PLEKHA8: variants seen among roughly 807,000 people sequenced by gnomAD.
PLEKHA8 encodes pleckstrin homology domain containing A8, also known as pleckstrin homology domain-containing family A member 8.
In PLEKHA8, 36 loss-of-function variants were observed where a neutral mutation model predicts 68.2. The ratio of observed to expected loss-of-function variants is 0.53; its 90% CI spans 0.40 to 0.70. The LOEUF (loss-of-function observed/expected upper bound fraction) is 0.70, where lower values mean the gene tolerates loss of function less well. Ranked by LOEUF, PLEKHA8 falls within the 30% of genes least tolerant of loss-of-function variation. PLEKHA8 has a pLI of 0.00. For synonymous variants in PLEKHA8, 211 were observed against 216.1 expected, an observed-to-expected ratio of 0.98 and a Z score of 0.20; for missense variants, 505 against 615.4, an observed-to-expected ratio of 0.82 and a Z score of 1.90.
At chr7:30,129,597 A>C (rs1454343053), downstream of PLEKHA8, 2 of 412,324 alleles carry the variant, frequency 4.9e-6, no homozygotes, top group Non-Finnish European at 8.9e-6. Flanking sequence ...TGCATTATAG[A>C]CCAAAGGTCA....
intron 13 of PLEKHA8, among the ~76,000 whole-genome samples, chr7:30,110,924 TC>T (rs1235516118): frequency 6.6e-6 from 1 of 151,548 alleles, no homozygotes; most frequent in Non-Finnish European, 1.5e-5. Context: ...TTTTTTTTTT[TC>T]ACGGAGTCTC....
At chr7:30,122,332 CT>C (rs946757428) in intron 13 of PLEKHA8, among the ~76,000 whole-genome samples, 8 of 152,142 alleles carry the variant, frequency 5.3e-5, no homozygotes, top group Admixed American at 5.2e-4. Flanking sequence ...TTCCACTGGG[CT>C]TTTTTCCCCC....
Position 30,080,712 on chromosome 7 carries a change from A to G in PLEKHA8, c.*1925A>G. 1 of 985,316 alleles carries G rather than the reference A, an allele frequency of 1.0e-6. No individual in the cohort carries two copies. The highest frequency in any genetic ancestry group is 4.7e-5 in the South Asian group (1 of 21,278). 61.0% of individuals were successfully genotyped at this position (985,316 alleles called of 1,614,324 possible). A position where few individuals can be genotyped will look rare whatever the true frequency, so the allele number is the denominator to read the frequency against. ...ATGTTGATTATTTTGTATTTTGCCA[A>G]GGTGTGTGTGTGTTATTTCCCTCCC... is the stretch of plus-strand genomic sequence containing the variant. On this transcript the variant is annotated 3_prime_UTR_variant, in exon 14 of 14. Coordinates refer to ENST00000449726, the MANE Select transcript of PLEKHA8 (RefSeq NM_001197026.2).
chr7:30,055,423 A>G lies in PLEKHA8; in HGVS notation c.1039+81A>G, dbSNP rs1477994063. The G allele has an allele frequency of 2.0e-5, 24 of 1,219,130 alleles. No individual in the cohort carries two copies. In the Admixed American group the frequency reaches 2.0e-4, roughly 10 times the overall value. 75.5% of individuals were successfully genotyped at this position (1,219,130 alleles called of 1,614,324 possible). On this transcript the variant is annotated intron_variant, in intron 9 of 13. Coordinates refer to ENST00000449726, the MANE Select transcript of PLEKHA8 (RefSeq NM_001197026.2). ...AGTTATTTTGCAGGAGAAATACCCC[A>G]AACTATGTGTACAGTGAGATGACCC...
chr7:30,070,689 G>A lies in PLEKHA8; in HGVS notation c.1301-3382G>A, dbSNP rs375173824. The stretch of plus-strand genomic sequence containing the variant: ...GTCTCCCGAGTAGCTGGGATTACGG[G>A]CACCCACCACCACACCTGGCTAATT... On this transcript the variant is annotated intron_variant, in intron 12 of 13. Coordinates refer to ENST00000449726, the MANE Select transcript of PLEKHA8 (RefSeq NM_001197026.2). 2.0e-4 allele frequency among the ~76,000 whole-genome samples: 30 copies of A among 152,086 alleles called. No homozygotes were observed. The South Asian group carries it at 6.2e-3, about 32-fold the overall frequency.
At chr7:30,101,381 G>T (rs1004661371) in intron 13 of PLEKHA8, among the ~76,000 whole-genome samples, 2 of 152,116 alleles carry the variant, frequency 1.3e-5, no homozygotes, top group Admixed American at 6.5e-5. Flanking sequence ...CACAGTTGTG[G>T]TGGCTGGGAA....
chr7:30,085,638 CAG>C (rs1795153340), downstream of PLEKHA8, among the ~76,000 whole-genome samples: 5 of 152,294 alleles, frequency 3.3e-5, no homozygotes, highest in South Asian at 1.0e-3. Flanking sequence ...ACCCACGTCT[CAG>C]GGAATCTTCC....
At chr7:30,031,483 G>C (rs1240596183) in intron 1 of PLEKHA8, among the ~76,000 whole-genome samples, 1 of 152,188 alleles carries the variant, frequency 6.6e-6, no homozygotes, top group Non-Finnish European at 1.5e-5. Context: ...ATGGAGACGT[G>C]CGAGTTTGAG....
intron 13 of PLEKHA8, among the ~76,000 whole-genome samples, chr7:30,108,439 C>T (rs376112599): frequency 4.6e-5 from 7 of 152,012 alleles, no homozygotes; most frequent in African/African-American, 7.2e-5. Context: ...ATCTGTTCTT[C>T]GAAGTCTGGG....
chr7:30,028,694 G>T lies in PLEKHA8; in HGVS notation c.-69G>T. 8.6e-7 allele frequency: 1 copy of T among 1,161,516 alleles called. No individual in the cohort carries two copies. The highest frequency in any genetic ancestry group is 1.1e-6 in the Non-Finnish European group (1 of 914,336). The allele number at this position is 1,161,516 out of a possible 1,614,324, so 72.0% of individuals were successfully genotyped here. A position where few individuals can be genotyped will look rare whatever the true frequency, so the allele number is the denominator to read the frequency against. On this transcript the variant is annotated 5_prime_UTR_variant, in exon 1 of 14. Transcript: ENST00000449726. The stretch of plus-strand genomic sequence containing the variant: ...GCCAGGCGATGGCCCTGCTGCTGGT[G>T]CTCCTCGCCTCTTGGGGCCTGGGGC...
intron 7 of PLEKHA8, among the ~76,000 whole-genome samples, chr7:30,054,043 C>G (rs1792626535): frequency 6.6e-6 from 1 of 152,162 alleles, no homozygotes; most frequent in African/African-American, 2.4e-5. Flanking sequence ...AGGCACATCA[C>G]AGCCTTTTTG....
At position 30,079,361 on chromosome 7, in the gene PLEKHA8, G is replaced by A. The variant is rs2127999352; in HGVS notation, c.*574G>A. ...ACATGACCATGCAATTGTGGGAGGC[G>A]AAGAAGACGTGGACAGGAGTCCCAT... On this transcript the variant is annotated 3_prime_UTR_variant, in exon 14 of 14. Transcript: ENST00000449726. 7 of 985,966 alleles carry A rather than the reference G, an allele frequency of 7.1e-6. No homozygotes were observed. The highest frequency in any genetic ancestry group is 8.4e-6 in the Non-Finnish European group (7 of 830,408). The allele number at this position is 985,966 out of a possible 1,614,324, so 61.1% of individuals were successfully genotyped here. A position where few individuals can be genotyped will look rare whatever the true frequency, so the allele number is the denominator to read the frequency against.
chr7:30,061,540 T>C (rs1339331464), intron 10 of PLEKHA8, among the ~76,000 whole-genome samples: 1 of 152,246 alleles, frequency 6.6e-6, no homozygotes, highest in Admixed American at 6.5e-5. Flanking sequence ...TAGGTATACC[T>C]TTCTTTATTG....
At chr7:30,125,060 G>T (rs1796751557) in intron 13 of PLEKHA8, among the ~76,000 whole-genome samples, 1 of 152,052 alleles carries the variant, frequency 6.6e-6, no homozygotes, top group Admixed American at 6.5e-5. Flanking sequence ...TAAATGTACA[G>T]AAAATTAGGA....
intron 12 of PLEKHA8, among the ~76,000 whole-genome samples, chr7:30,073,116 T>C (rs183239090): frequency 2.0e-5 from 3 of 152,330 alleles, no homozygotes; most frequent in Admixed American, 2.0e-4. Flanking sequence ...CCTTTTAAAA[T>C]ACATTGGGAC....
rs1182571667 is a variant in PLEKHA8, at chr7:30,028,511, T to C, written c.-252T>C. On this transcript the variant is annotated 5_prime_UTR_variant, in exon 1 of 14. Transcript: ENST00000449726. ...ACGTAGGGCCCGGACCCGGGCCTCC[T>C]TGTGAACAGCGTGCCGGCTTCGCCC... is the stretch of plus-strand genomic sequence containing the variant. 5.5e-6 allele frequency: 2 copies of C among 362,552 alleles called. No individual in the cohort carries two copies. The highest frequency in any genetic ancestry group is 9.8e-6 in the Non-Finnish European group (2 of 203,114). The allele number at this position is 362,552 out of a possible 1,614,324, so 22.5% of individuals were successfully genotyped here.
At position 30,081,878 on chromosome 7, in the gene PLEKHA8, A is replaced by G; in HGVS notation, c.*3091A>G. 5 of 984,768 alleles carry G rather than the reference A, an allele frequency of 5.1e-6. No individual in the cohort carries two copies. The highest frequency in any genetic ancestry group is 6.0e-6 in the Non-Finnish European group (5 of 829,296). The allele number at this position is 984,768 out of a possible 1,614,324, so 61.0% of individuals were successfully genotyped here. Reference sequence around the variant, plus strand: ...GTAGGGATCAGGGTGTATTTGTTGAATTAAACAAAATATTTTCAATGATGG... The same window carrying G: ...GTAGGGATCAGGGTGTATTTGTTGAGTTAAACAAAATATTTTCAATGATGG... On this transcript the variant is annotated 3_prime_UTR_variant, in exon 14 of 14. Transcript: ENST00000449726.
At position 30,054,728 on chromosome 7, in the gene PLEKHA8, G is replaced by A; in HGVS notation, c.816G>A (p.Lys272=). 1 of 1,593,914 alleles carries A rather than the reference G, an allele frequency of 6.3e-7. No homozygotes were observed. The highest frequency in any genetic ancestry group is 2.3e-5 in the East Asian group (1 of 44,104). ...DNITVQGEIR[K]EDGMENLKNH... ...TTGCAGTCCAAGGTGAAATAAGGAA[G>A]GAAGATGGAATGGAAAACCTGAAAA... is the stretch of plus-strand genomic sequence containing the variant. Residue 272 remains lysine (K), a synonymous_variant, in exon 8 of 14, where the codon AAG becomes AAA. Transcript: ENST00000449726.
In PLEKHA8 at chr7:30,028,508, T is replaced by C. The variant is rs1420079547; in HGVS notation, c.-255T>C. 3 of 362,068 alleles carry C rather than the reference T, an allele frequency of 8.3e-6. No homozygotes were observed. The highest frequency in any genetic ancestry group is 2.1e-5 in the African/African-American group (1 of 47,214). The allele number at this position is 362,068 out of a possible 1,614,324, so 22.4% of individuals were successfully genotyped here. A position where few individuals can be genotyped will look rare whatever the true frequency, so the allele number is the denominator to read the frequency against. On this transcript the variant is annotated 5_prime_UTR_variant, in exon 1 of 14. Coordinates refer to ENST00000449726, the MANE Select transcript of PLEKHA8 (RefSeq NM_001197026.2). ...CCCACGTAGGGCCCGGACCCGGGCC[T>C]CCTTGTGAACAGCGTGCCGGCTTCG...
Sources: gnomAD v4.1 joint callset for allele counts (sites outside exome capture counted in the v4.1 genomes callset) on GRCh38, gnomAD v4.1.1 for gene constraint, MANE v1.5 for transcripts, NCBI Gene and HGNC (gene_info 2026-07-23, HGNC 2026-07-21) for gene names.